Variants in FAT3 observed in about 807,000 individuals in gnomAD.
FAT3 encodes the protein protocadherin Fat 3.
Under a neutral mutation model 310.2 loss-of-function variants are expected in FAT3, and 95 were observed. The ratio of observed to expected loss-of-function variants is 0.31; its 90% CI spans 0.26 to 0.36. The LOEUF is 0.36. Among genes scored for constraint, FAT3 ranks in the 10% least tolerant of loss-of-function variants. FAT3 has a pLI of 1.00. For missense variants in FAT3, 5,408 were observed against 5,715.6 expected (o/e 0.95, Z 1.74); for synonymous variants, 2,314 against 2,192.9 (o/e 1.06, Z -1.54).
At chr11:92,756,285 T>C (rs1945989110) in intron 4 of FAT3, among the ~76,000 whole-genome samples, 2 of 152,128 alleles carry the variant, frequency 1.3e-5, no homozygotes, top group African/African-American at 4.8e-5. Context: ...ACAGTAAGAG[T>C]TCAATGACAA....
intron 3 of FAT3, among the ~76,000 whole-genome samples, chr11:92,696,399 C>T (rs553159634): frequency 7.0e-4 from 107 of 152,138 alleles, no homozygotes; most frequent in Admixed American, 3.3e-3. Flanking sequence ...CTGTGTGCTC[C>T]CACCCACCAC....
intron 19 of FAT3, among the ~76,000 whole-genome samples, chr11:92,852,737 A>G (rs1948864523): frequency 1.3e-5 from 2 of 152,162 alleles, no homozygotes. Context: ...GTATTTTTTT[A>G]CACATCCTCA....
At chr11:92,411,126 A>C (rs1442388766) in intron 2 of FAT3, among the ~76,000 whole-genome samples, 2 of 107,858 alleles carry the variant, frequency 1.9e-5, no homozygotes, top group Non-Finnish European at 3.7e-5. Flanking sequence ...ATATATTTAT[A>C]TATTATATAT....
At chr11:92,821,859 A>G (rs1200129316) in intron 13 of FAT3, among the ~76,000 whole-genome samples, 1 of 152,124 alleles carries the variant, frequency 6.6e-6, no homozygotes. Context: ...GACACCTTCT[A>G]CAGTGTCTGC....
intron 6 of FAT3, among the ~76,000 whole-genome samples, chr11:92,771,883 A>G (rs1442222024): frequency 1.3e-5 from 2 of 152,130 alleles, no homozygotes; most frequent in Non-Finnish European, 2.9e-5. Context: ...TGCGATGATT[A>G]TGTATTTTTA....
intron 8 of FAT3, 137 bp downstream of exon 8, chr11:92,790,355 C>T: frequency 9.8e-7 from 1 of 1,024,406 alleles, no homozygotes; most frequent in South Asian, 1.8e-5. Flanking sequence ...AGATTGCATT[C>T]ATTTTTGCCT....
At chr11:92,823,048 T>A (rs955366473) in intron 13 of FAT3, among the ~76,000 whole-genome samples, 11 of 150,780 alleles carry the variant, frequency 7.3e-5, no homozygotes, top group African/African-American at 2.5e-4. Flanking sequence ...AACAATCAAC[T>A]CTATACATGC....
intron 1 of FAT3, among the ~76,000 whole-genome samples, chr11:92,277,757 T>C (rs1946313262): frequency 1.3e-5 from 2 of 152,028 alleles, no homozygotes; most frequent in African/African-American, 4.8e-5. Flanking sequence ...TTACTATGCA[T>C]AGCACCTGAG....
rs139045321 is a variant in FAT3, at chr11:92,780,503, G to T, written c.4335+6323G>T. Among the ~76,000 whole-genome samples, 951 of 152,188 alleles carry T rather than the reference G, an allele frequency of 6.2e-3. 8 individuals carry two copies. Among genetic ancestry groups the T allele is most frequent in the African/African-American group, 0.022 (909 of 41,512 alleles). ...TTTATGATACAAATAGAAAAATAAC[G>T]TACTACTGTCATGCCCGTTTTACAG... On this transcript the variant is annotated intron_variant, in intron 7 of 27. Transcript: ENST00000525166.
intron 4 of FAT3, among the ~76,000 whole-genome samples, chr11:92,741,901 T>C (rs1012741851): frequency 6.6e-6 from 1 of 152,232 alleles, no homozygotes; most frequent in Non-Finnish European, 1.5e-5. Flanking sequence ...CTACCTAATT[T>C]ATTAACAATC....
chr11:92,665,371 C>T (rs1388886102), intron 3 of FAT3, among the ~76,000 whole-genome samples: 2 of 152,136 alleles, frequency 1.3e-5, no homozygotes, highest in East Asian at 3.9e-4. Context: ...GAAAATTTAA[C>T]AAGCACCAAC....
intron 3 of FAT3, among the ~76,000 whole-genome samples, chr11:92,554,304 T>C (rs967821947): frequency 6.6e-6 from 1 of 150,944 alleles, no homozygotes; most frequent in Non-Finnish European, 1.5e-5. Context: ...CTACTAAAAA[T>C]AGAAAAAATT....
rs553340822 is a variant in FAT3, at chr11:92,805,077, G to T, written c.8897-76G>T. 21 of 1,447,240 alleles carry T rather than the reference G, an allele frequency of 1.5e-5. No homozygotes were observed. In the Admixed American group the frequency reaches 4.1e-4, roughly 28 times the overall value. The allele number at this position is 1,447,240 out of a possible 1,614,324, so 89.6% of individuals were successfully genotyped here. A position where few individuals can be genotyped will look rare whatever the true frequency, so the allele number is the denominator to read the frequency against. The stretch of plus-strand genomic sequence containing the variant: ...AAGGAGTACCTGGATGACTCCACAT[G>T]CACCTCTCAAGGTAGATGTAGATTA... On this transcript the variant is annotated intron_variant, in intron 10 of 27. Coordinates refer to ENST00000525166, the MANE Select transcript of FAT3 (RefSeq NM_001367949.2).
chr11:92,796,599 C>T (rs1487157211), intron 9 of FAT3, among the ~76,000 whole-genome samples: 3 of 152,070 alleles, frequency 2.0e-5, no homozygotes, highest in African/African-American at 7.3e-5. Flanking sequence ...AAAGAAAAGT[C>T]CAGATAGAGT....
At chr11:92,624,746 A>G (rs934651449) in intron 3 of FAT3, among the ~76,000 whole-genome samples, 15 of 152,192 alleles carry the variant, frequency 9.9e-5, no homozygotes, top group Non-Finnish European at 1.8e-4. Flanking sequence ...GGCTGCTACA[A>G]AAAGCACCAC....
intron 3 of FAT3, among the ~76,000 whole-genome samples, chr11:92,616,378 A>AC (rs141873135): frequency 0.56 from 85,175 of 151,800 alleles, 25,292 homozygotes; most frequent in African/African-American, 0.76. Flanking sequence ...GTGTCTCTGC[A>AC]GTGAGATGGG....
chr11:92,465,673 TG>T (rs1210684500), intron 2 of FAT3, among the ~76,000 whole-genome samples: 1 of 151,938 alleles, frequency 6.6e-6, no homozygotes, highest in Non-Finnish European at 1.5e-5. Flanking sequence ...TGAGAACACT[TG>T]GACACAGGGT....
chr11:92,299,032 G>C (rs1278604334), intron 1 of FAT3, among the ~76,000 whole-genome samples: 1 of 152,070 alleles, frequency 6.6e-6, no homozygotes, highest in Admixed American at 6.6e-5. Flanking sequence ...GTTCCTGCTG[G>C]TGAGTGGAGC....
chr11:92,888,621 T>G (rs1949847542), intron 25 of FAT3, among the ~76,000 whole-genome samples: 1 of 152,202 alleles, frequency 6.6e-6, no homozygotes. Context: ...TCTATTCTAA[T>G]TATTCGAGAG....
Sources: gnomAD v4.1 joint callset for allele counts (sites outside exome capture counted in the v4.1 genomes callset) on GRCh38, gnomAD v4.1.1 for gene constraint, MANE v1.5 for transcripts, NCBI Gene and HGNC (gene_info 2026-07-23, HGNC 2026-07-21) for gene names.